PPARGC1A: variants seen among roughly 807,000 people sequenced by gnomAD.
The protein encoded by PPARGC1A is PPARG coactivator 1 alpha.
PPARGC1A carries 25 observed loss-of-function variants against 88.7 expected under a neutral mutation model. That is an observed-to-expected ratio of 0.28 (90% confidence interval 0.21 to 0.39). The LOEUF is 0.39. PPARGC1A is among the 10% of genes least tolerant of loss of function. The pLI is 1.00. For missense variants in PPARGC1A, 880 were observed against 968.7 expected, an observed-to-expected ratio of 0.91 and a Z score of 1.22; for synonymous variants, 363 against 355.6, an observed-to-expected ratio of 1.02 and a Z score of -0.24.
At chr4:24,089,972 C>A in the PPARGC1A span, among the ~76,000 whole-genome samples, 1 of 152,188 alleles carries the variant, frequency 6.6e-6, no homozygotes, top group African/African-American at 2.4e-5. Context: ...AATTAATAAG[C>A]TAAAGGGTCA....
chr4:24,325,247 A>T, the PPARGC1A span, among the ~76,000 whole-genome samples: 9 of 152,270 alleles, frequency 5.9e-5, no homozygotes, highest in South Asian at 4.1e-4. Flanking sequence ...ACATTTTATT[A>T]CCCAATCTGC....
chr4:24,141,056 G>A, the PPARGC1A span, among the ~76,000 whole-genome samples: 3 of 152,220 alleles, frequency 2.0e-5, no homozygotes, highest in Admixed American at 1.3e-4. Context: ...ACCAAACACA[G>A]GCTTCGAACA....
intron 2 of PPARGC1A, 172 bp downstream of exon 2, chr4:23,884,580 C>T (rs1716541169): frequency 1.9e-6 from 1 of 522,270 alleles, no homozygotes; most frequent in Non-Finnish European, 3.1e-6. Context: ...AAAAACAAAA[C>T]ATTTGTTTTC....
the PPARGC1A span, among the ~76,000 whole-genome samples, chr4:23,986,574 C>G: frequency 6.6e-6 from 1 of 152,070 alleles, no homozygotes; most frequent in African/African-American, 2.4e-5. Flanking sequence ...CTTACAGAAA[C>G]CTAGACTACA....
upstream of PPARGC1A, among the ~76,000 whole-genome samples, chr4:23,900,296 G>A (rs1220471745): frequency 2.0e-5 from 3 of 152,108 alleles, no homozygotes; most frequent in Non-Finnish European, 2.9e-5. Flanking sequence ...ATTATTGAAC[G>A]GTGTCATTGA....
At chr4:24,418,250 G>T in the PPARGC1A span, among the ~76,000 whole-genome samples, 1 of 152,148 alleles carries the variant, frequency 6.6e-6, no homozygotes, top group Non-Finnish European at 1.5e-5. Context: ...GAGGTTGAGT[G>T]AGCTGAAATA....
the PPARGC1A span, among the ~76,000 whole-genome samples, chr4:24,007,061 T>C: frequency 6.6e-6 from 1 of 152,214 alleles, no homozygotes; most frequent in African/African-American, 2.4e-5. Flanking sequence ...CATAGTTTAA[T>C]TGTCAGTGTT....
At chr4:24,431,392 A>T in the PPARGC1A span, among the ~76,000 whole-genome samples, 3 of 152,166 alleles carry the variant, frequency 2.0e-5, no homozygotes, top group Non-Finnish European at 4.4e-5. Context: ...CCCCAACAGA[A>T]ATGTCCAGTA....
chr4:23,828,618 C>T lies in PPARGC1A; in HGVS notation c.553-14G>A. The T allele has an allele frequency of 6.2e-7, 1 of 1,612,516 alleles. No individual in the cohort carries two copies. Among genetic ancestry groups the T allele is most frequent in the Non-Finnish European group, 8.5e-7 (1 of 1,178,778 alleles). On this transcript the variant is annotated splice_polypyrimidine_tract_variant and intron_variant, in intron 4 of 12. Transcript: ENST00000264867. ...TGAATTCTCAGTCTTAAAAACAAGG[C>T]ATAAAGAAAGCTAAAATTAGTGAAC... is the stretch of plus-strand genomic sequence containing the variant.
At chr4:24,342,906 C>G in the PPARGC1A span, among the ~76,000 whole-genome samples, 1 of 152,092 alleles carries the variant, frequency 6.6e-6, no homozygotes, top group Non-Finnish European at 1.5e-5. Flanking sequence ...CATGTTTCCC[C>G]ACAAGACAAC....
At chr4:24,065,912 C>T in the PPARGC1A span, among the ~76,000 whole-genome samples, 3 of 152,180 alleles carry the variant, frequency 2.0e-5, no homozygotes. Context: ...GGCCCAGGCC[C>T]TGTATGATTC....
the PPARGC1A span, among the ~76,000 whole-genome samples, chr4:24,460,125 G>A: frequency 1.3e-5 from 2 of 152,240 alleles, no homozygotes; most frequent in African/African-American, 4.8e-5. Context: ...ATTGGTTACA[G>A]TGGATGCAAA....
At chr4:24,145,485 A>T in the PPARGC1A span, among the ~76,000 whole-genome samples, 1 of 151,918 alleles carries the variant, frequency 6.6e-6, no homozygotes, top group Non-Finnish European at 1.5e-5. Context: ...TGCTTCCTTG[A>T]CTCTATTGCT....
chr4:24,232,260 C>G, the PPARGC1A span, among the ~76,000 whole-genome samples: 6 of 151,978 alleles, frequency 3.9e-5, no homozygotes, highest in African/African-American at 1.2e-4. Context: ...ACAGCTGATT[C>G]TTTGTACAAG....
chr4:23,912,891 C>T, the PPARGC1A span, among the ~76,000 whole-genome samples: 1 of 151,434 alleles, frequency 6.6e-6, no homozygotes, highest in African/African-American at 2.4e-5. Flanking sequence ...TGGGTTCATG[C>T]CATTCTCCTG....
At chr4:23,913,722 T>C in the PPARGC1A span, among the ~76,000 whole-genome samples, 2 of 152,296 alleles carry the variant, frequency 1.3e-5, no homozygotes, top group Admixed American at 1.3e-4. Context: ...AAATGGATCA[T>C]AGAGTTCTAT....
chr4:24,245,925 GCACACA>G, the PPARGC1A span, among the ~76,000 whole-genome samples: 25,802 of 148,450 alleles, frequency 0.17, 2,364 homozygotes, highest in Middle Eastern at 0.3. Context: ...AAAGCCATGT[GCACACA>G]CACACACACA....
the PPARGC1A span, among the ~76,000 whole-genome samples, chr4:24,049,254 ATG>A: frequency 4.2e-5 from 6 of 144,220 alleles, no homozygotes; most frequent in Admixed American, 4.2e-4. Context: ...ATACACATAT[ATG>A]TATATAAATA....
chr4:23,864,141 G>C (rs1049898362), intron 2 of PPARGC1A, among the ~76,000 whole-genome samples: 1 of 152,174 alleles, frequency 6.6e-6, no homozygotes, highest in African/African-American at 2.4e-5. Context: ...AATTCTTAGA[G>C]TAGTTTGTTA....
Sources: allele counts gnomAD v4.1 joint callset (sites outside exome capture counted in the v4.1 genomes callset), GRCh38; gene constraint gnomAD v4.1.1; transcripts MANE v1.5; gene names NCBI Gene and HGNC (gene_info 2026-07-23, HGNC 2026-07-21).